The following LRP1B variants were observed in gnomAD, a reference collection of about 807,000 sequenced individuals.
LRP1B encodes the protein LDL receptor related protein 1B.
A neutral mutation model predicts 556.6 loss-of-function variants in LRP1B; 217 were observed. The observed-to-expected ratio is 0.39, with a 90% confidence interval of 0.35 to 0.44. The LOEUF (loss-of-function observed/expected upper bound fraction) is 0.44. Ranked by LOEUF, LRP1B falls within the 20% of genes least tolerant of loss-of-function variation. The probability of loss-of-function intolerance (pLI) is 1.00; values close to 1 mark genes in which losing one functional copy is unlikely to be tolerated. For missense variants in LRP1B, 5,053 were observed against 5,620.8 expected, an observed-to-expected ratio of 0.90 and a Z score of 3.23; for synonymous variants, 2,047 against 1,865.8, an observed-to-expected ratio of 1.10 and a Z score of -2.50.
intron 7 of LRP1B, among the ~76,000 whole-genome samples, chr2:141,167,105 TAC>T (rs1215846665): frequency 2.6e-5 from 4 of 152,014 alleles, no homozygotes; most frequent in African/African-American, 9.6e-5. Context: ...AAACTTTTAT[TAC>T]AGTCTTAAAT....
chr2:141,049,360 G>A, intron 10 of LRP1B, 138 bp from the exon 11 acceptor site: 4 of 649,238 alleles, frequency 6.2e-6, no homozygotes, highest in Non-Finnish European at 5.5e-6. Context: ...TATGCCAAAT[G>A]TATCTTGATG....
intron 43 of LRP1B, among the ~76,000 whole-genome samples, chr2:140,564,666 A>C (rs1440659275): frequency 6.6e-6 from 1 of 152,128 alleles, no homozygotes; most frequent in African/African-American, 2.4e-5. Flanking sequence ...CTCTTATTCC[A>C]GTCATCAATG....
intron 3 of LRP1B, among the ~76,000 whole-genome samples, chr2:141,315,107 T>C (rs913525868): frequency 6.6e-6 from 1 of 150,682 alleles, no homozygotes; most frequent in Non-Finnish European, 1.5e-5. Context: ...AACTTAAAAC[T>C]GAAGGAACAC....
intron 1 of LRP1B, among the ~76,000 whole-genome samples, chr2:141,963,657 G>A (rs1304406829): frequency 1.3e-5 from 2 of 150,908 alleles, no homozygotes; most frequent in Admixed American, 6.6e-5. Context: ...GGCAAAAACT[G>A]GAAGCATTCC....
intron 32 of LRP1B, among the ~76,000 whole-genome samples, chr2:140,777,801 T>C (rs1161647690): frequency 6.6e-6 from 1 of 152,016 alleles, no homozygotes; most frequent in Non-Finnish European, 1.5e-5. Flanking sequence ...GAAGAGTCTT[T>C]AGAGATTAAA....
intron 3 of LRP1B, among the ~76,000 whole-genome samples, chr2:141,375,467 T>C (rs1167017667): frequency 1.3e-5 from 2 of 152,046 alleles, no homozygotes; most frequent in Non-Finnish European, 2.9e-5. Flanking sequence ...GTAGCAGTGG[T>C]GGAGCAACCC....
intron 2 of LRP1B, among the ~76,000 whole-genome samples, chr2:141,596,665 A>G (rs1687535722): frequency 6.6e-6 from 1 of 152,018 alleles, no homozygotes; most frequent in African/African-American, 2.4e-5. Flanking sequence ...CTTGAAAAGG[A>G]TTCTAACCCC....
chr2:141,994,770 C>T (rs1333698627), intron 1 of LRP1B, among the ~76,000 whole-genome samples: 1 of 152,132 alleles, frequency 6.6e-6, no homozygotes, highest in Non-Finnish European at 1.5e-5. Flanking sequence ...TTATCTATCT[C>T]TTCTATAGTT....
intron 82 of LRP1B, among the ~76,000 whole-genome samples, chr2:140,320,202 C>T (rs1361994916): frequency 1.3e-5 from 2 of 152,086 alleles, no homozygotes; most frequent in African/African-American, 4.8e-5. Flanking sequence ...AGTTTTAACT[C>T]TGTCTCTTCT....
Position 142,091,088 on chromosome 2 carries a change from G to T in LRP1B, c.82+39560C>A, listed in dbSNP as rs563489267. Among the ~76,000 whole-genome samples, 3 of 152,112 alleles carry T rather than the reference G, an allele frequency of 2.0e-5. No homozygotes were observed. The East Asian group carries it at 5.8e-4, about 29-fold the overall frequency. The stretch of plus-strand genomic sequence containing the variant: ...ATTAATCACTAAGTAGATAAAATCT[G>T]CCTGAATTAGAGAAACTTCTGTAAT... On this transcript the variant is annotated intron_variant, in intron 1 of 90. Transcript: ENST00000389484.
intron 41 of LRP1B, among the ~76,000 whole-genome samples, chr2:140,664,863 C>A (rs1393273272): frequency 6.6e-6 from 1 of 151,974 alleles, no homozygotes; most frequent in Non-Finnish European, 1.5e-5. Flanking sequence ...ATTCTGATAT[C>A]TGGAATGCCC....
chr2:142,108,841 G>T (rs1228201393), intron 1 of LRP1B, among the ~76,000 whole-genome samples: 2 of 152,168 alleles, frequency 1.3e-5, no homozygotes, highest in Non-Finnish European at 2.9e-5. Flanking sequence ...AGGGACAAAA[G>T]AATCCTATAG....
chr2:141,601,684 C>G (rs928923723), intron 2 of LRP1B, among the ~76,000 whole-genome samples: 2 of 150,020 alleles, frequency 1.3e-5, no homozygotes, highest in Non-Finnish European at 1.5e-5. Flanking sequence ...CACTCTGTCA[C>G]CCAGTCTGGA....
At chr2:140,549,531 T>A (rs949408194) in intron 43 of LRP1B, among the ~76,000 whole-genome samples, 1 of 152,146 alleles carries the variant, frequency 6.6e-6, no homozygotes, top group Non-Finnish European at 1.5e-5. Flanking sequence ...ATCACTGTCA[T>A]GGAGACGAGA....
intron 86 of LRP1B, among the ~76,000 whole-genome samples, chr2:140,264,213 TTTTTG>T (rs1461476190): frequency 6.6e-6 from 1 of 151,740 alleles, no homozygotes; most frequent in African/African-American, 2.4e-5. Context: ...ATGAAACCTT[TTTTTG>T]TTTTGTTTTT....
At position 140,379,370 on chromosome 2, in the gene LRP1B, TATC is replaced by T. The variant is rs1343724489; in HGVS notation, c.10532-1087_10532-1085del. Among the ~76,000 whole-genome samples, 10 of 152,280 alleles carry T rather than the reference TATC, an allele frequency of 6.6e-5. No individual in the cohort carries two copies. The South Asian group carries it at 1.2e-3, about 19-fold the overall frequency. ...ATAGAGTAACATCTTGATGGTTTGG[TATC>T]ATGAGGGTTCCTACATTCCTATATA... On this transcript the variant is annotated intron_variant, in intron 67 of 90. Coordinates refer to ENST00000389484, the MANE Select transcript of LRP1B (RefSeq NM_018557.3).
intron 2 of LRP1B, among the ~76,000 whole-genome samples, chr2:141,673,561 G>C (rs1412043517): frequency 6.6e-6 from 1 of 152,058 alleles, no homozygotes; most frequent in Admixed American, 6.6e-5. Context: ...AAAGTAGAAT[G>C]TAATAATCAA....
intron 2 of LRP1B, among the ~76,000 whole-genome samples, chr2:141,729,985 A>G (rs1693210419): frequency 2.0e-5 from 3 of 152,164 alleles, no homozygotes; most frequent in African/African-American, 7.2e-5. Context: ...ATTAAATCAA[A>G]GCATTTTTAT....
rs139409823 is a variant in LRP1B at position 141,661,417 on chromosome 2, A to T, written c.205+148862T>A. Among the ~76,000 whole-genome samples the T allele has an allele frequency of 1.4e-3, 211 of 152,316 alleles. 1 individual carries two copies. Among genetic ancestry groups the T allele is most frequent in the African/African-American group, 4.9e-3 (203 of 41,568 alleles). On this transcript the variant is annotated intron_variant, in intron 2 of 90. Transcript: ENST00000389484. Reference sequence around the variant, plus strand: ...GAGCATGCTCTAACCCAATGCAAAGAAGGTAAGAACCATGATAAAACATTA... The same window carrying T: ...GAGCATGCTCTAACCCAATGCAAAGTAGGTAAGAACCATGATAAAACATTA...
Sources: gnomAD v4.1 joint callset for allele counts (sites outside exome capture counted in the v4.1 genomes callset) on GRCh38, gnomAD v4.1.1 for gene constraint, MANE v1.5 for transcripts, NCBI Gene and HGNC (gene_info 2026-07-23, HGNC 2026-07-21) for gene names.